Variants in PNKD observed in about 807,000 individuals in gnomAD.
PNKD encodes PNKD metallo-beta-lactamase domain containing.
Under a neutral mutation model 45.3 loss-of-function variants are expected in PNKD, and 36 were observed. That is an observed-to-expected ratio of 0.80 (90% CI 0.61 to 1.05). The LOEUF (loss-of-function observed/expected upper bound fraction) is 1.05, where lower values mean the gene tolerates loss of function less well. Among genes scored for constraint, PNKD ranks in the 50% least tolerant of loss-of-function variants. The pLI is 0.00. For missense variants in PNKD, 511 were observed against 506.6 expected (o/e 1.01, Z -0.08); for synonymous variants, 197 against 210.1 (o/e 0.94, Z 0.54).
At chr2:218,308,617 TGCTCTATCACCCAG>T (rs2106258167) in intron 2 of PNKD, among the ~76,000 whole-genome samples, 1 of 151,974 alleles carries the variant, frequency 6.6e-6, no homozygotes, top group African/African-American at 2.4e-5. Context: ...AGACGAGTAT[TGCTCTATCACCCAG>T]GCTGGAGTGC....
intron 2 of PNKD, chr2:218,275,629 G>C: frequency 1.2e-6 from 2 of 1,606,784 alleles, no homozygotes; most frequent in Non-Finnish European, 1.7e-6. Flanking sequence ...GAACTGCAAG[G>C]ATAGGGAAGC....
rs574424228 is a variant in PNKD at position 218,312,627 on chromosome 2, C to T, written c.237-27156C>T. On this transcript the variant is annotated intron_variant, in intron 2 of 9. Transcript: ENST00000273077. ...ATGGCTCATGCCTGTAATCCCAGCACTCTGGGAGGCCAAGGTAGGTGGATC... is the reference window on the plus strand; with the variant it reads ...ATGGCTCATGCCTGTAATCCCAGCATTCTGGGAGGCCAAGGTAGGTGGATC... 5.3e-5 allele frequency among the ~76,000 whole-genome samples: 8 copies of T among 151,520 alleles called. No individual in the cohort carries two copies. The East Asian group carries it at 1.6e-3, about 29-fold the overall frequency.
Position 218,340,290 on chromosome 2 carries a change from C to T in PNKD, c.465+149C>T, listed in dbSNP as rs1694634628. 9.2e-6 allele frequency: 6 copies of T among 650,342 alleles called. No homozygotes were observed. Among genetic ancestry groups the T allele is most frequent in the Non-Finnish European group, 1.7e-5 (6 of 358,798 alleles). The allele number at this position is 650,342 out of a possible 1,614,324, so 40.3% of individuals were successfully genotyped here. Reference sequence around the variant, plus strand: ...CACACGTGCACATGCGCACACATAGCCTGGGGAAGGGGGGTACAGGGCATG... The same window carrying T: ...CACACGTGCACATGCGCACACATAGTCTGGGGAAGGGGGGTACAGGGCATG... On this transcript the variant is annotated intron_variant, in intron 4 of 9. Coordinates refer to ENST00000273077, the MANE Select transcript of PNKD (RefSeq NM_015488.5). The surrounding 1 kb of genome is among the most constrained non-coding windows in gnomAD (Gnocchi z 4.2).
intron 2 of PNKD, chr2:218,277,014 T>C (rs1454009855): frequency 6.2e-7 from 1 of 1,613,782 alleles, no homozygotes; most frequent in African/African-American, 1.3e-5. Flanking sequence ...GTATTGGAAG[T>C]AGAGCACAAT....
At chr2:218,334,435 A>G (rs1694428701) in intron 2 of PNKD, among the ~76,000 whole-genome samples, 1 of 152,098 alleles carries the variant, frequency 6.6e-6, no homozygotes, top group East Asian at 1.9e-4. Context: ...ATACATTTGA[A>G]GAGTAGAGCC....
chr2:218,271,623 C>A, intron 2 of PNKD, 74 bp downstream of exon 2: 1 of 1,364,468 alleles, frequency 7.3e-7, no homozygotes. Flanking sequence ...GAAACTTCTC[C>A]AAGTTTCAGG....
intron 2 of PNKD, among the ~76,000 whole-genome samples, chr2:218,298,659 G>A (rs1177829076): frequency 6.6e-6 from 1 of 152,132 alleles, no homozygotes; most frequent in Admixed American, 6.5e-5. Flanking sequence ...GGCCTGGAGG[G>A]ATGAACTTGC....
Position 218,340,932 on chromosome 2 carries a change from A to C in PNKD, c.524+146A>C. On this transcript the variant is annotated intron_variant, in intron 5 of 9. Coordinates refer to ENST00000273077, the MANE Select transcript of PNKD (RefSeq NM_015488.5). This position sits in a 1 kb window ranked among gnomAD's most constrained non-coding sequence, Gnocchi z 4.2. Reference sequence around the variant, plus strand: ...CTCGTGAAGTCACCTGGACACCAGCAGGGAGGGAGGAGAGGGGACAGTCTC... The same window carrying C: ...CTCGTGAAGTCACCTGGACACCAGCCGGGAGGGAGGAGAGGGGACAGTCTC... The C allele has an allele frequency of 1.4e-6, 1 of 723,516 alleles. No individual in the cohort carries two copies. The highest frequency in any genetic ancestry group is 2.5e-6 in the Non-Finnish European group (1 of 396,742). 44.8% of individuals were successfully genotyped at this position (723,516 alleles called of 1,614,324 possible). A position where few individuals can be genotyped will look rare whatever the true frequency, so the allele number is the denominator to read the frequency against.
chr2:218,299,728 T>A (rs1693225279), intron 2 of PNKD, among the ~76,000 whole-genome samples: 1 of 147,348 alleles, frequency 6.8e-6, no homozygotes, highest in Admixed American at 6.7e-5. Context: ...TTCAAGTGAT[T>A]CTCCTGCCTC....
At chr2:218,281,981 G>T in intron 2 of PNKD, 2 of 1,606,234 alleles carry the variant, frequency 1.2e-6, no homozygotes, top group Non-Finnish European at 1.7e-6. Context: ...CATGGGCTGT[G>T]GGTAGCCAGC....
intron 2 of PNKD, among the ~76,000 whole-genome samples, chr2:218,307,976 T>G (rs1248074121): frequency 6.6e-6 from 1 of 152,092 alleles, no homozygotes; most frequent in African/African-American, 2.4e-5. Flanking sequence ...AGGGGCCCAG[T>G]TGAGTGGCCT....
intron 2 of PNKD, chr2:218,334,745 ATAT>A: frequency 1.4e-6 from 1 of 702,832 alleles, no homozygotes; most frequent in Non-Finnish European, 2.6e-6. Flanking sequence ...AATGATGTCT[ATAT>A]ATTGTTACTG....
chr2:218,345,036 C>T lies in PNKD; in HGVS notation c.*55C>T. On this transcript the variant is annotated 3_prime_UTR_variant, in exon 10 of 10. Transcript: ENST00000273077. ...CCCCGCATGGGGAGGCCGCCACCAC[C>T]AACACCTCATCATCCTTCTCATCGC... 1 of 1,373,386 alleles carries T rather than the reference C, an allele frequency of 7.3e-7. No homozygotes were observed. The highest frequency in any genetic ancestry group is 1.0e-6 in the Non-Finnish European group (1 of 984,138). 85.1% of individuals were successfully genotyped at this position (1,373,386 alleles called of 1,614,324 possible). A position where few individuals can be genotyped will look rare whatever the true frequency, so the allele number is the denominator to read the frequency against.
In PNKD at chr2:218,340,149, G is replaced by T; in HGVS notation, c.465+8G>T. 1 of 1,574,348 alleles carries T rather than the reference G, an allele frequency of 6.4e-7. No homozygotes were observed. Among genetic ancestry groups the T allele is most frequent in the Non-Finnish European group, 8.7e-7 (1 of 1,144,586 alleles). The stretch of plus-strand genomic sequence containing the variant: ...GACCCTCGGGCTGTGCAGGTGAGGG[G>T]AGGGCAGGGAGCAGGGGGTGCCTGG... On this transcript the variant is annotated splice_region_variant and intron_variant, in intron 4 of 9. Transcript: ENST00000273077. This position sits in a 1 kb window ranked among gnomAD's most constrained non-coding sequence, Gnocchi z 4.2.
At chr2:218,270,676 A>C (rs939987054) in intron 1 of PNKD, 74 bp downstream of exon 1, 9 of 463,592 alleles carry the variant, frequency 1.9e-5, no homozygotes, top group Non-Finnish European at 3.4e-5. Flanking sequence ...CGACGATAGC[A>C]GGAGGTCAGG....
chr2:218,279,021 G>C (rs777805791), intron 2 of PNKD: 70 of 1,613,826 alleles, frequency 4.3e-5, no homozygotes, highest in Non-Finnish European at 5.7e-5. Flanking sequence ...CCCAACCACA[G>C]AGGAGCACAC....
intron 2 of PNKD, chr2:218,279,519 T>G: frequency 1.8e-6 from 1 of 566,804 alleles, no homozygotes; most frequent in Non-Finnish European, 3.1e-6. Context: ...TGTGCACTTC[T>G]TCCTCAGCCC....
At chr2:218,285,584 A>G (rs7559525) in intron 2 of PNKD, among the ~76,000 whole-genome samples, 53,519 of 152,172 alleles carry the variant, frequency 0.35, 9,856 homozygotes, top group Middle Eastern at 0.5. Flanking sequence ...ACCCAAGGAC[A>G]GCCAACCCCT....
intron 2 of PNKD, among the ~76,000 whole-genome samples, chr2:218,329,586 G>T (rs559228294): frequency 6.6e-6 from 1 of 152,304 alleles, no homozygotes; most frequent in African/African-American, 2.4e-5. Flanking sequence ...TCTGGAGAGG[G>T]CTGTGAAGTC....
Sources: allele counts gnomAD v4.1 joint callset (sites outside exome capture counted in the v4.1 genomes callset), GRCh38; gene constraint gnomAD v4.1.1; non-coding constraint Gnocchi (gnomAD v3.1); transcripts MANE v1.5; gene names NCBI Gene and HGNC (gene_info 2026-07-23, HGNC 2026-07-21).